Variants in DAPL1 observed in about 807,000 individuals in gnomAD.
DAPL1 encodes the protein death associated protein like 1.
Under a neutral mutation model 12.9 loss-of-function variants are expected in DAPL1, and 17 were observed. The observed-to-expected ratio is 1.32, with a 90% CI of 0.90 to 1.98. DAPL1 has a LOEUF of 1.98. Ranked by LOEUF, DAPL1 falls within the 30% of genes most tolerant of loss-of-function variation. DAPL1 has a pLI of 0.00. For missense variants in DAPL1, 157 were observed against 125.7 expected, an observed-to-expected ratio of 1.25 and a Z score of -1.19; for synonymous variants, 51 against 42.0, an observed-to-expected ratio of 1.21 and a Z score of -0.82.
intron 1 of DAPL1, among the ~76,000 whole-genome samples, chr2:158,799,655 G>T (rs182154450): frequency 1.3e-5 from 2 of 151,944 alleles, no homozygotes; most frequent in African/African-American, 4.8e-5. Flanking sequence ...ATTATCTTCC[G>T]CTTCTTTCTA....
rs776882607 is a variant in DAPL1 at position 158,795,416 on chromosome 2, G to A, written c.44G>A (p.Gly15Glu). 2 of 1,555,294 alleles carry A rather than the reference G, an allele frequency of 1.3e-6. No homozygotes were observed. Among genetic ancestry groups the A allele is most frequent in the Non-Finnish European group, 1.7e-6 (2 of 1,149,080 alleles). ...VQDLLSPRKG[G>E]HPPAVKAGGM... ...GACCTGCTCTCCCCTCGGAAAGGGG[G>A]ACATCCTCCTGCAGGTAGGCTGCCA... The change falls in exon 1 of 4, where the codon GGA (glycine) becomes GAA (glutamate). Residue 15 changes from glycine (G) to glutamate (E), a missense_variant. Physicochemically the swap from Gly to Glu is moderately conservative, Grantham distance 98. Coordinates refer to ENST00000309950, the MANE Select transcript of DAPL1 (RefSeq NM_001017920.3).
At chr2:158,802,329 A>C (rs1436899682) in intron 1 of DAPL1, among the ~76,000 whole-genome samples, 2 of 152,314 alleles carry the variant, frequency 1.3e-5, no homozygotes, top group Non-Finnish European at 2.9e-5. Context: ...CAAGAACCTA[A>C]AAGAGCCAGA....
At chr2:158,798,978 T>C (rs758722421) in intron 1 of DAPL1, among the ~76,000 whole-genome samples, 1 of 152,160 alleles carries the variant, frequency 6.6e-6, no homozygotes, top group Non-Finnish European at 1.5e-5. Context: ...TTCACTACTC[T>C]CTACCAAAAA....
At position 158,802,194 on chromosome 2, in the gene DAPL1, T is replaced by C. The variant is rs986725287; in HGVS notation, c.59-2088T>C. On this transcript the variant is annotated intron_variant, in intron 1 of 3. Transcript: ENST00000309950. ...GGTGCAACCTCTGCTAAGGGCAATTTGGCAAGATTTAACAAAATTCCAAAC... is the reference window on the plus strand; with the variant it reads ...GGTGCAACCTCTGCTAAGGGCAATTCGGCAAGATTTAACAAAATTCCAAAC... Among the ~76,000 whole-genome samples the C allele has an allele frequency of 1.3e-5, 2 of 152,360 alleles. 1 individual carries two copies. The highest frequency in any genetic ancestry group is 4.1e-4 in the South Asian group (2 of 4,832).
intron 1 of DAPL1, among the ~76,000 whole-genome samples, chr2:158,795,719 G>A (rs2280184): frequency 6.6e-6 from 1 of 151,888 alleles, no homozygotes; most frequent in African/African-American, 2.4e-5. Context: ...TTCCTCCCTC[G>A]AGGCAGCATT....
chr2:158,796,306 TTA>T (rs2059134189), intron 1 of DAPL1, among the ~76,000 whole-genome samples: 1 of 152,180 alleles, frequency 6.6e-6, no homozygotes, highest in African/African-American at 2.4e-5. Context: ...TAGGCCAAGG[TTA>T]TTTCAATAAT....
At chr2:158,807,157 C>A (rs752400684) in intron 3 of DAPL1, 42 bp downstream of exon 3, 1 of 1,514,264 alleles carries the variant, frequency 6.6e-7, no homozygotes, top group Non-Finnish European at 9.1e-7. Context: ...AGTCAATCTG[C>A]CCAGTGGATC....
chr2:158,806,998 C>A, intron 2 of DAPL1, 57 bp from the exon 3 acceptor site: 1 of 1,313,214 alleles, frequency 7.6e-7, no homozygotes, highest in Non-Finnish European at 1.1e-6. Flanking sequence ...AATCATGTGG[C>A]CTTTTCAGTG....
chr2:158,795,817 G>A (rs902848779), intron 1 of DAPL1, among the ~76,000 whole-genome samples: 34 of 152,194 alleles, frequency 2.2e-4, no homozygotes, highest in Non-Finnish European at 3.2e-4. Flanking sequence ...TCTCTTTAGA[G>A]GTTCCAGCTG....
chr2:158,798,617 G>C (rs529812536), intron 1 of DAPL1, among the ~76,000 whole-genome samples: 3 of 152,150 alleles, frequency 2.0e-5, no homozygotes, highest in Admixed American at 6.5e-5. Context: ...GAGATTGAGG[G>C]ACTTGCCGAA....
intron 1 of DAPL1, among the ~76,000 whole-genome samples, chr2:158,804,045 T>C (rs964741803): frequency 2.0e-5 from 3 of 152,192 alleles, no homozygotes; most frequent in Admixed American, 2.0e-4. Flanking sequence ...ACCTCTGCTT[T>C]TTCAGTCTTG....
Position 158,805,801 on chromosome 2 carries a change from T to C in DAPL1, c.147-1254T>C, listed in dbSNP as rs1222806242. Among the ~76,000 whole-genome samples the C allele has an allele frequency of 2.7e-5, 4 of 148,760 alleles. 1 individual carries two copies. Among genetic ancestry groups the C allele is most frequent in the East Asian group, 3.9e-4 (2 of 5,192 alleles). On this transcript the variant is annotated intron_variant, in intron 2 of 3. Transcript: ENST00000309950. ...AAACTCAATTGTTTTCTAATAGTCG[T>C]TAAATGACAGGAATTGGACTTTTAC... is the stretch of plus-strand genomic sequence containing the variant.
chr2:158,815,904 C>A lies in DAPL1; in HGVS notation c.*83C>A. ...AAAAAGGGCCAAAGCTTTCCATAGG[C>A]GTGCTGCACTTGCTTGGTAAATTAA... is the stretch of plus-strand genomic sequence containing the variant. On this transcript the variant is annotated 3_prime_UTR_variant, in exon 4 of 4. Coordinates refer to ENST00000309950, the MANE Select transcript of DAPL1 (RefSeq NM_001017920.3). 1 of 940,994 alleles carries A rather than the reference C, an allele frequency of 1.1e-6. No individual in the cohort carries two copies. Among genetic ancestry groups the A allele is most frequent in the Non-Finnish European group, 1.7e-6 (1 of 574,144 alleles). The allele number at this position is 940,994 out of a possible 1,614,324, so 58.3% of individuals were successfully genotyped here. A position where few individuals can be genotyped will look rare whatever the true frequency, so the allele number is the denominator to read the frequency against.
intron 1 of DAPL1, among the ~76,000 whole-genome samples, chr2:158,802,668 A>G (rs980031250): frequency 2.0e-5 from 3 of 152,224 alleles, no homozygotes; most frequent in African/African-American, 7.2e-5. Flanking sequence ...AGACCCCTAT[A>G]TAAGAAAAAC....
rs936723605 is a variant in DAPL1 at position 158,795,436 on chromosome 2, C to T, written c.58+6C>T. The stretch of plus-strand genomic sequence containing the variant: ...AGGGGGACATCCTCCTGCAGGTAGG[C>T]TGCCACCTGCCCTCAGTCCTGCAGG... On this transcript the variant is annotated splice_donor_region_variant and intron_variant, in intron 1 of 3. Transcript: ENST00000309950. The T allele has an allele frequency of 7.1e-6, 11 of 1,553,742 alleles. No homozygotes were observed. The highest frequency in any genetic ancestry group is 8.7e-6 in the Non-Finnish European group (10 of 1,148,048).
intron 3 of DAPL1, among the ~76,000 whole-genome samples, chr2:158,808,032 G>C (rs2059211349): frequency 6.6e-6 from 1 of 152,172 alleles, no homozygotes; most frequent in Non-Finnish European, 1.5e-5. Context: ...GGATTGAAAA[G>C]TTTGTTTTCA....
rs796773330 is a variant in DAPL1 at position 158,804,134 on chromosome 2, AT to A, written c.59-142del. 7.9e-3 allele frequency: 224 copies of A among 28,192 alleles called. 1 individual carries two copies. Among genetic ancestry groups the A allele is most frequent in the African/African-American group, 0.07 (206 of 2,938 alleles). The allele number at this position is 28,192 out of a possible 1,614,324, so 1.7% of individuals were successfully genotyped here. ...CCTGGTTTGCCAATAAAATATATAT[AT>A]TTTTTATTGTGTTGTTTTATACAAA... On this transcript the variant is annotated intron_variant, in intron 1 of 3. Coordinates refer to ENST00000309950, the MANE Select transcript of DAPL1 (RefSeq NM_001017920.3).
intron 1 of DAPL1, among the ~76,000 whole-genome samples, chr2:158,802,339 A>G (rs975688783): frequency 1.1e-4 from 16 of 152,234 alleles, no homozygotes; most frequent in African/African-American, 3.9e-4. Context: ...AAAGAGCCAG[A>G]GTGACATCAT....
intron 3 of DAPL1, among the ~76,000 whole-genome samples, chr2:158,813,845 G>A (rs563705018): frequency 5.3e-4 from 80 of 152,154 alleles, no homozygotes; most frequent in Non-Finnish European, 8.8e-4. Context: ...GTGGGCCACC[G>A]AGCCCGGCCT....
Sources: gnomAD v4.1 joint callset for allele counts (sites outside exome capture counted in the v4.1 genomes callset) on GRCh38, gnomAD v4.1.1 for gene constraint, MANE v1.5 for transcripts, NCBI Gene and HGNC (gene_info 2026-07-23, HGNC 2026-07-21) for gene names.